LRCH2: variants seen among roughly 807,000 people sequenced by gnomAD.
LRCH2 encodes the protein leucine-rich repeat and calponin homology domain-containing protein 2.
In LRCH2, 38 loss-of-function variants were observed where a neutral mutation model predicts 68.9. That is an observed-to-expected ratio of 0.55 (90% CI 0.43 to 0.72). The LOEUF is 0.72. Among genes scored for constraint, LRCH2 ranks in the 30% least tolerant of loss-of-function variants. The probability of loss-of-function intolerance (pLI) is 0.00; values close to 1 mark genes in which losing one functional copy is unlikely to be tolerated. For synonymous variants in LRCH2, 191 were observed against 208.1 expected, an observed-to-expected ratio of 0.92 and a Z score of 0.71; for missense variants, 528 against 572.9, an observed-to-expected ratio of 0.92 and a Z score of 0.80.
chrX:115,205,289 T>C (rs1217349970), intron 1 of LRCH2, among the ~76,000 whole-genome samples: 5 of 111,942 alleles, frequency 4.5e-5, no homozygotes, highest in Admixed American at 1.9e-4. Context: ...GACCCAGAGC[T>C]AAACCATATC....
intron 1 of LRCH2, among the ~76,000 whole-genome samples, chrX:115,203,743 T>C (rs2072945757): frequency 8.9e-6 from 1 of 112,620 alleles, no homozygotes; most frequent in Non-Finnish European, 1.9e-5. Flanking sequence ...CTTGCGTAGC[T>C]CTACCCTTGT....
chrX:115,218,943 A>C (rs1446486810), intron 1 of LRCH2, among the ~76,000 whole-genome samples: 1 of 112,321 alleles, frequency 8.9e-6, no homozygotes, highest in African/African-American at 3.2e-5. Context: ...CAACAGTTTG[A>C]CTTTGATCTT....
intron 14 of LRCH2, among the ~76,000 whole-genome samples, chrX:115,138,573 G>A (rs1252707190): frequency 9.0e-6 from 1 of 111,194 alleles, no homozygotes; most frequent in East Asian, 2.8e-4. Flanking sequence ...CTATAACAGA[G>A]GTTTGAGCAT....
chrX:115,167,557 AGT>A (rs1184772863), intron 6 of LRCH2, among the ~76,000 whole-genome samples: 2 of 110,926 alleles, frequency 1.8e-5, no homozygotes, highest in East Asian at 5.6e-4. Context: ...GCATTCATTG[AGT>A]GTCTATACTG....
At chrX:115,141,020 C>A (rs1422949927) in intron 14 of LRCH2, among the ~76,000 whole-genome samples, 2 of 108,347 alleles carry the variant, frequency 1.8e-5, no homozygotes, top group Non-Finnish European at 3.8e-5. Context: ...ATCACGAGGT[C>A]AGGAGATCGA....
intron 1 of LRCH2, chrX:115,189,961 G>A (rs781876240): frequency 5.1e-5 from 59 of 1,161,910 alleles, no homozygotes; most frequent in South Asian, 4.8e-4. Context: ...GGCTCACAGC[G>A]TTGGCTGTGG....
intron 1 of LRCH2, among the ~76,000 whole-genome samples, chrX:115,197,847 T>TCTCTCTCTCTCTCTCTCTCTCTCTCACA (rs782358260): frequency 4.9e-5 from 1 of 20,569 alleles, no homozygotes; most frequent in African/African-American, 1.9e-4. Context: ...TCTCTCTCTC[T>TCTCTCTCTCTCTCTCTCTCTCTCTCACA]CACACACACA....
At chrX:115,116,591 A>G (rs1424960683) in intron 20 of LRCH2, among the ~76,000 whole-genome samples, 1 of 111,509 alleles carries the variant, frequency 9.0e-6, no homozygotes, top group Non-Finnish European at 1.9e-5. Context: ...ATTGTTGTTA[A>G]CTGTTGCTGA....
At position 115,138,914 on chromosome X, in the gene LRCH2, T is replaced by G. The variant is rs1027679455; in HGVS notation, c.1696-8715A>C. ...TCTGAATTCTGAATTACTGAAGTTT[T>G]ATTACATCTAAATTCAAATGTTACA... On this transcript the variant is annotated intron_variant, in intron 14 of 20. Transcript: ENST00000317135. The G allele has an allele frequency of 4.5e-5, 5 of 112,238 alleles. No individual in the cohort carries two copies. The East Asian group carries it at 1.4e-3, about 31-fold the overall frequency. 9.2% of individuals were successfully genotyped at this position (112,238 alleles called of 1,213,427 possible). A position where few individuals can be genotyped will look rare whatever the true frequency, so the allele number is the denominator to read the frequency against.
intron 12 of LRCH2, among the ~76,000 whole-genome samples, chrX:115,152,371 T>G (rs1283965727): frequency 8.9e-6 from 1 of 112,077 alleles, no homozygotes; most frequent in African/African-American, 3.2e-5. Flanking sequence ...GTACACAATG[T>G]CTGTCATTTA....
At chrX:115,192,507 T>A in intron 1 of LRCH2, 1 of 1,169,863 alleles carries the variant, frequency 8.5e-7, no homozygotes, top group Non-Finnish European at 1.1e-6. Context: ...GCAGACCGGA[T>A]CGTGGGCTCC....
chrX:115,120,938 G>A (rs1287409676), intron 20 of LRCH2, among the ~76,000 whole-genome samples: 7 of 101,343 alleles, frequency 6.9e-5, no homozygotes, highest in Admixed American at 1.1e-4. Flanking sequence ...ACCAAACACC[G>A]CATATTCTCA....
chrX:115,136,574 C>T (rs1210182433), intron 14 of LRCH2, among the ~76,000 whole-genome samples: 1 of 110,385 alleles, frequency 9.1e-6, no homozygotes, highest in East Asian at 2.8e-4. Context: ...CAACTATACT[C>T]CCATTTCTAA....
intron 20 of LRCH2, among the ~76,000 whole-genome samples, chrX:115,113,596 A>G (rs1459516613): frequency 1.8e-5 from 2 of 111,319 alleles, no homozygotes; most frequent in African/African-American, 6.5e-5. Flanking sequence ...AATGTTTATA[A>G]AAGAGTTGGT....
chrX:115,140,137 G>A (rs782636688), intron 14 of LRCH2, among the ~76,000 whole-genome samples: 1 of 111,418 alleles, frequency 9.0e-6, no homozygotes, highest in South Asian at 3.9e-4. Flanking sequence ...AGACTGAGGA[G>A]GACTTTGTCT....
At chrX:115,163,084 G>A (rs1043150874) in intron 11 of LRCH2, among the ~76,000 whole-genome samples, 4 of 111,489 alleles carry the variant, frequency 3.6e-5, no homozygotes, top group Non-Finnish European at 7.5e-5. Flanking sequence ...GCCAAAAGAT[G>A]AGGAAAATGG....
intron 5 of LRCH2, among the ~76,000 whole-genome samples, chrX:115,171,709 C>T (rs1007598469): frequency 9.3e-5 from 10 of 107,674 alleles, no homozygotes; most frequent in African/African-American, 3.0e-4. Context: ...TTTTGGAAAA[C>T]AGCGTCTCAT....
intron 20 of LRCH2, among the ~76,000 whole-genome samples, chrX:115,122,201 T>A (rs781952865): frequency 4.2e-4 from 39 of 91,864 alleles, no homozygotes; most frequent in Admixed American, 1.5e-3. Flanking sequence ...AAATGTTCTC[T>A]AGCAAAAAAA....
intron 1 of LRCH2, among the ~76,000 whole-genome samples, chrX:115,210,524 G>A (rs188236982): frequency 8.9e-6 from 1 of 112,468 alleles, no homozygotes; most frequent in African/African-American, 3.2e-5. Flanking sequence ...CTTTGCTGCA[G>A]GGGCAGGGAC....
Sources: allele counts gnomAD v4.1 joint callset (sites outside exome capture counted in the v4.1 genomes callset), GRCh38; gene constraint gnomAD v4.1.1; transcripts MANE v1.5; gene names NCBI Gene and HGNC (gene_info 2026-07-23, HGNC 2026-07-21).